The following CLRN1 variants were observed in gnomAD, a reference collection of about 807,000 sequenced individuals.
CLRN1 encodes the protein clarin 1.
In CLRN1, 15 loss-of-function variants were observed where a neutral mutation model predicts 18.7. That is an observed-to-expected ratio of 0.80 (90% confidence interval 0.54 to 1.23). CLRN1 has a LOEUF of 1.23. Among genes scored for constraint, CLRN1 ranks in the 50% most tolerant of loss-of-function variants. The pLI is 0.00. For synonymous variants in CLRN1, 104 were observed against 102.9 expected (o/e 1.01, Z -0.07); for missense variants, 311 against 277.5 (o/e 1.12, Z -0.86).
In CLRN1 at chr3:150,926,688, GT is replaced by G; in HGVS notation, c.*1247del. The G allele has an allele frequency of 8.8e-7, 1 of 1,131,728 alleles. No individual in the cohort carries two copies. Among genetic ancestry groups the G allele is most frequent in the Non-Finnish European group, 1.3e-6 (1 of 756,424 alleles). 70.1% of individuals were successfully genotyped at this position (1,131,728 alleles called of 1,614,324 possible). On this transcript the variant is annotated 3_prime_UTR_variant, in exon 3 of 3. Coordinates refer to ENST00000327047, the MANE Select transcript of CLRN1 (RefSeq NM_174878.3). ...GTAAATAGTTCCAAAGGGAAACAGT[GT>G]TTTATTTTAAGGAGTACTTTCAAAC...
chr3:150,939,410 C>T (rs1226233552), intron 2 of CLRN1, among the ~76,000 whole-genome samples: 1 of 152,182 alleles, frequency 6.6e-6, no homozygotes, highest in African/African-American at 2.4e-5. Flanking sequence ...TTCCCCCAAG[C>T]CCTAGGGGTG....
chr3:150,965,795 G>A (rs1246423924), intron 1 of CLRN1, among the ~76,000 whole-genome samples: 2 of 117,038 alleles, frequency 1.7e-5, no homozygotes, highest in Non-Finnish European at 3.8e-5. Flanking sequence ...AGGTATATGG[G>A]TGTGCGTGTG....
chr3:150,972,522 A>G lies in CLRN1; in HGVS notation c.187T>C (p.Tyr63His). Residue 63 changes from tyrosine to histidine, a missense_variant, in exon 1 of 3, where the codon TAC (tyrosine) becomes CAC (histidine). Transcript: ENST00000327047. Reference protein sequence around the residue: ...ELDKFMGEMQYGLFHGEGVRQ... With the variant: ...ELDKFMGEMQHGLFHGEGVRQ... Reference sequence around the variant, plus strand: ...ACACCCTCTCCGTGGAAAAGCCCGTACTGCATTTCACCCATAAACTTGTCC... The same window carrying G: ...ACACCCTCTCCGTGGAAAAGCCCGTGCTGCATTTCACCCATAAACTTGTCC... The G allele has an allele frequency of 6.2e-7, 1 of 1,614,236 alleles. No homozygotes were observed. The highest frequency in any genetic ancestry group is 2.2e-5 in the East Asian group (1 of 44,886).
chr3:150,949,377 G>A (rs966366366), intron 1 of CLRN1, among the ~76,000 whole-genome samples: 4 of 152,140 alleles, frequency 2.6e-5, no homozygotes, highest in African/African-American at 4.8e-5. Flanking sequence ...GCAAGAGAAA[G>A]AAATAAAGGG....
chr3:150,935,721 A>C (rs909306390), intron 2 of CLRN1, among the ~76,000 whole-genome samples: 8 of 151,490 alleles, frequency 5.3e-5, no homozygotes, highest in Admixed American at 2.6e-4. Context: ...AATCGCCACA[A>C]TGACTTCCCC....
At chr3:150,965,023 C>T (rs1357085675) in intron 1 of CLRN1, among the ~76,000 whole-genome samples, 1 of 151,976 alleles carries the variant, frequency 6.6e-6, no homozygotes, top group Non-Finnish European at 1.5e-5. Flanking sequence ...ATGTTCTGCA[C>T]ATGTATTTCA....
upstream of CLRN1, chr3:150,972,754 T>G: frequency 6.2e-7 from 1 of 1,613,872 alleles, no homozygotes; most frequent in Non-Finnish European, 8.5e-7. Context: ...AACAAGACCT[T>G]TGTGAGCAAT....
chr3:150,950,842 C>T (rs945154060), intron 1 of CLRN1, among the ~76,000 whole-genome samples: 1 of 152,142 alleles, frequency 6.6e-6, no homozygotes, highest in Non-Finnish European at 1.5e-5. Context: ...CACAAGCACA[C>T]GAATGTTCGT....
At position 150,926,855 on chromosome 3, in the gene CLRN1, G is replaced by C; in HGVS notation, c.*1081C>G. On this transcript the variant is annotated 3_prime_UTR_variant, in exon 3 of 3. Coordinates refer to ENST00000327047, the MANE Select transcript of CLRN1 (RefSeq NM_174878.3). ...GAAGGAAGGGTCAGTTCCAGGCTCA[G>C]CTGTGGCCTTTAGTCAGCTGCAGAT... The C allele has an allele frequency of 6.2e-7, 1 of 1,614,130 alleles. No homozygotes were observed. The highest frequency in any genetic ancestry group is 8.5e-7 in the Non-Finnish European group (1 of 1,180,028).
intron 1 of CLRN1, 25 bp from the exon 2 acceptor site, chr3:150,941,786 T>G: frequency 6.2e-7 from 1 of 1,608,144 alleles, no homozygotes; most frequent in East Asian, 2.2e-5. Context: ...AAACTAGGGT[T>G]AGAAGAAGTT....
chr3:150,936,288 C>G (rs1479128442), intron 2 of CLRN1, among the ~76,000 whole-genome samples: 1 of 152,120 alleles, frequency 6.6e-6, no homozygotes, highest in Non-Finnish European at 1.5e-5. Flanking sequence ...ATATCTATAT[C>G]CGAATAATGC....
At chr3:150,968,362 G>C (rs925451899) in intron 1 of CLRN1, among the ~76,000 whole-genome samples, 3 of 152,176 alleles carry the variant, frequency 2.0e-5, no homozygotes, top group Non-Finnish European at 4.4e-5. Context: ...CCCACTAGTT[G>C]TGTCTCTTTG....
rs758741442 is a variant in CLRN1, at chr3:150,943,893, G to A, written c.254-2132C>T. On this transcript the variant is annotated intron_variant, in intron 1 of 2. Coordinates refer to ENST00000327047, the MANE Select transcript of CLRN1 (RefSeq NM_174878.3). ...AAGCAGCCAGCTGGTTCCTGCACTCGTTCACTCGTGTGCTCCCTCCTGCAA... is the reference window on the plus strand; with the variant it reads ...AAGCAGCCAGCTGGTTCCTGCACTCATTCACTCGTGTGCTCCCTCCTGCAA... 26 of 1,613,712 alleles carry A rather than the reference G, an allele frequency of 1.6e-5. No individual in the cohort carries two copies. Among genetic ancestry groups the A allele is most frequent in the Middle Eastern group, 3.3e-4 (2 of 6,082 alleles).
At chr3:150,938,328 G>T (rs1713612393) in intron 2 of CLRN1, among the ~76,000 whole-genome samples, 1 of 152,134 alleles carries the variant, frequency 6.6e-6, no homozygotes, top group South Asian at 2.1e-4. Flanking sequence ...TGGCCTCTGA[G>T]TGTGTGACGC....
intron 1 of CLRN1, among the ~76,000 whole-genome samples, chr3:150,948,923 C>T (rs888471403): frequency 3.3e-5 from 5 of 152,080 alleles, no homozygotes; most frequent in African/African-American, 7.2e-5. Context: ...AACTTCAGGC[C>T]GATATCCGTG....
intron 2 of CLRN1, among the ~76,000 whole-genome samples, chr3:150,933,433 T>A (rs1576626643): frequency 6.6e-6 from 1 of 152,078 alleles, no homozygotes; most frequent in Non-Finnish European, 1.5e-5. Context: ...CATTTAAGTG[T>A]ATCTTGAGAG....
chr3:150,941,101 C>A (rs924449857), intron 2 of CLRN1, among the ~76,000 whole-genome samples: 1 of 151,210 alleles, frequency 6.6e-6, no homozygotes, highest in Non-Finnish European at 1.5e-5. Flanking sequence ...GAGACAACCA[C>A]GACCAACAGA....
intron 2 of CLRN1, among the ~76,000 whole-genome samples, chr3:150,929,477 G>A (rs1331884164): frequency 6.6e-6 from 1 of 152,192 alleles, no homozygotes; most frequent in East Asian, 1.9e-4. Context: ...TCTACCTTAG[G>A]TGAAACCAAT....
Position 150,926,701 on chromosome 3 carries a change from G to T in CLRN1, c.*1235C>A. On this transcript the variant is annotated 3_prime_UTR_variant, in exon 3 of 3. Transcript: ENST00000327047. ...AAGGGAAACAGTGTTTTATTTTAAG[G>T]AGTACTTTCAAACCTATTATATGAG... 8.2e-7 allele frequency: 1 copy of T among 1,220,098 alleles called. No individual in the cohort carries two copies. Among genetic ancestry groups the T allele is most frequent in the South Asian group, 1.2e-5 (1 of 80,944 alleles). 75.6% of individuals were successfully genotyped at this position (1,220,098 alleles called of 1,614,324 possible). A position where few individuals can be genotyped will look rare whatever the true frequency, so the allele number is the denominator to read the frequency against.
Sources: gnomAD v4.1 joint callset for allele counts (sites outside exome capture counted in the v4.1 genomes callset) on GRCh38, gnomAD v4.1.1 for gene constraint, MANE v1.5 for transcripts, NCBI Gene and HGNC (gene_info 2026-07-23, HGNC 2026-07-21) for gene names.